Variants in GPD1L observed in about 807,000 individuals in gnomAD.
GPD1L encodes the protein glycerol-3-phosphate dehydrogenase 1 like, also known as glycerol-3-phosphate dehydrogenase 1-like protein.
In GPD1L, 17 loss-of-function variants were observed where a neutral mutation model predicts 32.9. The observed-to-expected ratio is 0.52, with a 90% CI of 0.35 to 0.78. The LOEUF is 0.78. Ranked by LOEUF, GPD1L falls within the 30% of genes least tolerant of loss-of-function variation. The probability of loss-of-function intolerance (pLI) is 0.01; values close to 1 mark genes in which losing one functional copy is unlikely to be tolerated. For synonymous variants in GPD1L, 187 were observed against 165.9 expected, an observed-to-expected ratio of 1.13 and a Z score of -0.98; for missense variants, 361 against 447.8, an observed-to-expected ratio of 0.81 and a Z score of 1.75.
intron 7 of GPD1L, among the ~76,000 whole-genome samples, chr3:32,164,803 T>C (rs1701122141): frequency 6.6e-6 from 1 of 152,238 alleles, no homozygotes; most frequent in Non-Finnish European, 1.5e-5. Context: ...GTACTATTTG[T>C]TCTTCTTAAA....
intron 7 of GPD1L, among the ~76,000 whole-genome samples, chr3:32,163,631 T>C (rs1701104507): frequency 6.6e-6 from 1 of 152,200 alleles, no homozygotes; most frequent in Admixed American, 6.5e-5. Context: ...GATCATTGGC[T>C]TCAGAGTCCA....
At chr3:32,154,735 CCT>C (rs1700963502) in intron 5 of GPD1L, among the ~76,000 whole-genome samples, 1 of 143,538 alleles carries the variant, frequency 7.0e-6, no homozygotes, top group Non-Finnish European at 1.5e-5. Flanking sequence ...TTTTTTATTA[CCT>C]TTTCTTCTCC....
At position 32,126,818 on chromosome 3, in the gene GPD1L, A is replaced by C. The variant is rs991667875; in HGVS notation, c.48-1258A>C. On this transcript the variant is annotated intron_variant, in intron 1 of 7. Coordinates refer to ENST00000282541, the MANE Select transcript of GPD1L (RefSeq NM_015141.4). Reference sequence around the variant, plus strand: ...CATCAGGGAGCTTTAAAAAGTACAGATGCCTGATCCCACCACAGAAGTGCC... The same window carrying C: ...CATCAGGGAGCTTTAAAAAGTACAGCTGCCTGATCCCACCACAGAAGTGCC... 7.9e-5 allele frequency among the ~76,000 whole-genome samples: 12 copies of C among 152,142 alleles called. No individual in the cohort carries two copies. In the South Asian group the frequency reaches 2.1e-3, roughly 26 times the overall value.
intron 1 of GPD1L, among the ~76,000 whole-genome samples, chr3:32,117,298 C>A (rs911748531): frequency 5.3e-5 from 8 of 152,158 alleles, no homozygotes; most frequent in Admixed American, 2.0e-4. Context: ...GAAGCCAGAA[C>A]AATACATGAG....
intron 1 of GPD1L, among the ~76,000 whole-genome samples, chr3:32,126,246 A>G (rs949144742): frequency 6.6e-6 from 1 of 152,210 alleles, no homozygotes; most frequent in African/African-American, 2.4e-5. Flanking sequence ...TTCCCAACTC[A>G]TTGCAGCAGA....
At position 32,128,648 on chromosome 3, in the gene GPD1L, CAT is replaced by C. The variant is rs375411631; in HGVS notation, c.225+398_225+399del. Among the ~76,000 whole-genome samples, 10 of 152,286 alleles carry C rather than the reference CAT, an allele frequency of 6.6e-5. 1 individual carries two copies. In the South Asian group the frequency reaches 2.1e-3, roughly 32 times the overall value. On this transcript the variant is annotated intron_variant, in intron 2 of 7. Coordinates refer to ENST00000282541, the MANE Select transcript of GPD1L (RefSeq NM_015141.4). ...AATCTCCTCTTATAAAGATAGCAGT[CAT>C]ATTGGATAAAGACCCACCCCAATGA...
chr3:32,107,937 G>C (rs1438841853), intron 1 of GPD1L, among the ~76,000 whole-genome samples: 1 of 152,168 alleles, frequency 6.6e-6, no homozygotes, highest in Non-Finnish European at 1.5e-5. Context: ...AGACTCTGTT[G>C]CAGTGGTGCG....
At chr3:32,131,866 T>C (rs116514552) in intron 2 of GPD1L, among the ~76,000 whole-genome samples, 2,094 of 152,364 alleles carry the variant, frequency 0.014, 22 homozygotes, top group Middle Eastern at 0.044. Context: ...AGTGTGTGAA[T>C]GTTCCAGTTT....
At chr3:32,152,858 AGACAGAC>A (rs372390645) in intron 5 of GPD1L, among the ~76,000 whole-genome samples, 5,277 of 68,792 alleles carry the variant, frequency 0.077, 300 homozygotes, top group African/African-American at 0.27. Context: ...AAAAAAAAAA[AGACAGAC>A]AAAGAGCACG....
chr3:32,115,740 C>G (rs532022431), intron 1 of GPD1L, among the ~76,000 whole-genome samples: 31 of 127,496 alleles, frequency 2.4e-4, no homozygotes, highest in Admixed American at 2.1e-3. Context: ...CATCTAAACC[C>G]TTTTCGTGTA....
intron 5 of GPD1L, among the ~76,000 whole-genome samples, chr3:32,153,591 C>T (rs939140540): frequency 6.6e-6 from 1 of 152,210 alleles, no homozygotes; most frequent in African/African-American, 2.4e-5. Flanking sequence ...CAGCAGCAAA[C>T]AATATGTGGC....
At chr3:32,107,097 C>T (rs1700175469) in intron 1 of GPD1L, among the ~76,000 whole-genome samples, 1 of 152,206 alleles carries the variant, frequency 6.6e-6, no homozygotes, top group Non-Finnish European at 1.5e-5. Flanking sequence ...GGGCGTATTC[C>T]GTTCTCCACG....
chr3:32,121,638 A>C (rs1325426886), intron 1 of GPD1L, among the ~76,000 whole-genome samples: 1 of 132,326 alleles, frequency 7.6e-6, no homozygotes, highest in Non-Finnish European at 1.6e-5. Flanking sequence ...ATATATTTCT[A>C]TATATATAAT....
chr3:32,145,117 G>T (rs1397519299), intron 4 of GPD1L, among the ~76,000 whole-genome samples: 1 of 151,416 alleles, frequency 6.6e-6, no homozygotes, highest in Non-Finnish European at 1.5e-5. Context: ...TCAGGAGTTC[G>T]AGACCAGCCT....
In GPD1L at chr3:32,122,162, C is replaced by T. The variant is rs113944489; in HGVS notation, c.48-5914C>T. Among the ~76,000 whole-genome samples the T allele has an allele frequency of 1.9e-3, 285 of 152,240 alleles. 5 individuals carry two copies. The highest frequency in any genetic ancestry group is 6.5e-3 in the African/African-American group (270 of 41,510). On this transcript the variant is annotated intron_variant, in intron 1 of 7. Transcript: ENST00000282541. ...ATGAGGATGGGGACTTGTCTGCGTT[C>T]ATTCCCTTGTGTCCCTTGCACCCAG...
chr3:32,128,798 G>A (rs1700548405), intron 2 of GPD1L, among the ~76,000 whole-genome samples: 1 of 152,140 alleles, frequency 6.6e-6, no homozygotes, highest in South Asian at 2.1e-4. Context: ...TAACAAACTT[G>A]CCTTAGGCTG....
In GPD1L at chr3:32,140,297, A is replaced by G. The variant is rs1243432576; in HGVS notation, c.436A>G (p.Ile146Val). 1 of 1,614,162 alleles carries G rather than the reference A, an allele frequency of 6.2e-7. No individual in the cohort carries two copies. The highest frequency in any genetic ancestry group is 8.5e-7 in the Non-Finnish European group (1 of 1,179,996). The change falls in exon 4 of 8, where the codon ATC becomes GTC. Residue 146 changes from isoleucine to valine, a missense_variant. Ile to Val is a conservative substitution (Grantham distance 29). Coordinates refer to ENST00000282541, the MANE Select transcript of GPD1L (RefSeq NM_015141.4). ...CATCCGTGAGAAGATGGGTATTGAC[A>G]TCAGTGTGCTGATGGGAGCCAACAT... ...DIIREKMGID[I>V]SVLMGANIAN...
rs370303031 is a variant in GPD1L at position 32,114,153 on chromosome 3, C to T, written c.47+7395C>T. On this transcript the variant is annotated intron_variant, in intron 1 of 7. Coordinates refer to ENST00000282541, the MANE Select transcript of GPD1L (RefSeq NM_015141.4). ...TACAGGCATGGGCCACCACACCCAG[C>T]CTGGCTGGGACTCTTGGTCCTAGAT... 4.6e-5 allele frequency among the ~76,000 whole-genome samples: 7 copies of T among 152,236 alleles called. 1 individual carries two copies. The East Asian group carries it at 5.8e-4, about 13-fold the overall frequency.
intron 7 of GPD1L, among the ~76,000 whole-genome samples, chr3:32,165,062 G>A (rs1575124718): frequency 6.6e-6 from 1 of 152,150 alleles, no homozygotes; most frequent in Non-Finnish European, 1.5e-5. Flanking sequence ...AAATTAGCCA[G>A]GCGTGGTGGC....
Sources: gnomAD v4.1 joint callset for allele counts (sites outside exome capture counted in the v4.1 genomes callset) on GRCh38, gnomAD v4.1.1 for gene constraint, MANE v1.5 for transcripts, NCBI Gene and HGNC (gene_info 2026-07-23, HGNC 2026-07-21) for gene names.